Variants in PCDHA6 observed in about 807,000 individuals in gnomAD.
The protein encoded by PCDHA6 is protocadherin alpha-6.
PCDHA6 carries 55 observed loss-of-function variants against 60.3 expected under a neutral mutation model. The ratio of observed to expected loss-of-function variants is 0.91; its 90% CI spans 0.73 to 1.14. The LOEUF is 1.14. Ranked by LOEUF, PCDHA6 falls within the 50% of genes most tolerant of loss-of-function variation. PCDHA6 has a pLI of 0.00. For synonymous variants in PCDHA6, 652 were observed against 557.9 expected, an observed-to-expected ratio of 1.17 and a Z score of -2.38; for missense variants, 1,327 against 1,256.5, an observed-to-expected ratio of 1.06 and a Z score of -0.85.
In PCDHA6 at chr5:140,858,048, C is replaced by G. The variant is rs1203574330; in HGVS notation, c.2394+27563C>G. 9.4e-6 allele frequency: 15 copies of G among 1,597,302 alleles called. 2 individuals carry two copies. Among genetic ancestry groups the G allele is most frequent in the Non-Finnish European group, 1.2e-5 (14 of 1,167,436 alleles). On this transcript the variant is annotated intron_variant, in intron 1 of 3. Transcript: ENST00000529310. ...ACGGCCACGGCCACTGTGCTTGTGT[C>G]GCTTGTGGAGGGCAGCCAGGCACCC...
At chr5:140,905,611 T>C (rs1396340503) in intron 1 of PCDHA6, among the ~76,000 whole-genome samples, 1 of 152,224 alleles carries the variant, frequency 6.6e-6, no homozygotes, top group South Asian at 2.1e-4. Flanking sequence ...ATTGAATCTA[T>C]AGATTGCTTT....
intron 1 of PCDHA6, chr5:140,929,152 T>TA (rs1322546333): frequency 2.5e-6 from 4 of 1,614,072 alleles, no homozygotes; most frequent in Non-Finnish European, 3.4e-6. Flanking sequence ...TTCTCAGACT[T>TA]ATCTCTATCG....
intron 1 of PCDHA6, chr5:140,869,294 T>C: frequency 1.9e-6 from 3 of 1,613,634 alleles, no homozygotes; most frequent in Non-Finnish European, 1.7e-6. Flanking sequence ...CAGCGCCTGT[T>C]CCGGGTGGCG....
At chr5:140,969,347 G>C (rs1554231707) in intron 1 of PCDHA6, 1 of 1,613,472 alleles carries the variant, frequency 6.2e-7, no homozygotes, top group South Asian at 1.1e-5. Context: ...ACAGTGGTCA[G>C]GGGGTCTTCT....
chr5:140,922,337 T>C lies in PCDHA6; in HGVS notation c.2395-56612T>C, dbSNP rs150639608. On this transcript the variant is annotated intron_variant, in intron 1 of 3. Transcript: ENST00000529310. ...GAAGATCTTGGAAAGGGTTGGTATA[T>C]TGGTATTTTCTAGAGTAGTGATTCT... Among the ~76,000 whole-genome samples the C allele has an allele frequency of 3.4e-3, 512 of 152,346 alleles. 3 individuals carry two copies. The highest frequency in any genetic ancestry group is 0.012 in the African/African-American group (489 of 41,580).
At position 140,828,011 on chromosome 5, in the gene PCDHA6, G is replaced by A; in HGVS notation, c.-81G>A. 6.6e-7 allele frequency: 1 copy of A among 1,508,268 alleles called. No homozygotes were observed. The highest frequency in any genetic ancestry group is 2.2e-5 in the Admixed American group (1 of 44,678). The allele number at this position is 1,508,268 out of a possible 1,614,324, so 93.4% of individuals were successfully genotyped here. A position where few individuals can be genotyped will look rare whatever the true frequency, so the allele number is the denominator to read the frequency against. On this transcript the variant is annotated 5_prime_UTR_variant, in exon 1 of 4. Transcript: ENST00000529310. ...AATGATGGCGGACGCAGAAGAAATG[G>A]ATTAATAAATTCCGGAACATACAGT...
chr5:140,970,425 C>T (rs1554232453), intron 1 of PCDHA6, among the ~76,000 whole-genome samples: 1 of 151,722 alleles, frequency 6.6e-6, no homozygotes, highest in Non-Finnish European at 1.5e-5. Flanking sequence ...GGTGTAGAGG[C>T]AGGTGTTAGT....
chr5:140,952,338 C>CAAAAAAAA (rs55931446), intron 1 of PCDHA6, among the ~76,000 whole-genome samples: 1 of 135,028 alleles, frequency 7.4e-6, no homozygotes. Context: ...AACTCCATCT[C>CAAAAAAAA]AAAAAAAAAA....
chr5:140,848,458 G>A lies in PCDHA6; in HGVS notation c.2394+17973G>A, dbSNP rs2150410846. 52 of 1,529,436 alleles carry A rather than the reference G, an allele frequency of 3.4e-5. 3 individuals are homozygous for A. The South Asian group carries it at 5.9e-4, about 17-fold the overall frequency. The allele number at this position is 1,529,436 out of a possible 1,614,324, so 94.7% of individuals were successfully genotyped here. ...TCAGATGATTTCTTCTAATTTGGAG[G>A]CAATTTTCACTAATTAGAAGAAGAC... On this transcript the variant is annotated intron_variant, in intron 1 of 3. Transcript: ENST00000529310.
At position 140,828,187 on chromosome 5, in the gene PCDHA6, C is replaced by A. The variant is rs2150152114; in HGVS notation, c.96C>A (p.His32Gln). 6.2e-7 allele frequency: 1 copy of A among 1,614,148 alleles called. No homozygotes were observed. The highest frequency in any genetic ancestry group is 8.5e-7 in the Non-Finnish European group (1 of 1,180,048). Residue 32 changes from histidine (H) to glutamine (Q), a missense_variant, in exon 1 of 4, where the codon CAC becomes CAA. Physicochemically the swap from His to Gln is conservative, Grantham distance 24. Transcript: ENST00000529310. ...AAWKVGSGQL[H>Q]YSVPEEAKHG... Reference sequence around the variant, plus strand: ...GGAAGGTGGGGAGCGGCCAGCTCCACTACTCCGTACCCGAGGAGGCCAAAC... The same window carrying A: ...GGAAGGTGGGGAGCGGCCAGCTCCAATACTCCGTACCCGAGGAGGCCAAAC...
intron 1 of PCDHA6, among the ~76,000 whole-genome samples, chr5:140,956,087 C>T (rs2095255787): frequency 6.6e-6 from 1 of 152,178 alleles, no homozygotes; most frequent in Admixed American, 6.5e-5. Context: ...ATCATGTCAT[C>T]TGCAAACAAA....
intron 3 of PCDHA6, among the ~76,000 whole-genome samples, chr5:140,993,585 G>T (rs2097574142): frequency 6.6e-6 from 1 of 151,526 alleles, no homozygotes; most frequent in Admixed American, 6.6e-5. Flanking sequence ...GCTTTTCTTG[G>T]CTTGGCTCCA....
rs1554205708 is a variant in PCDHA6 at position 140,928,289 on chromosome 5, G to A, written c.2395-50660G>A. 3.1e-6 allele frequency: 5 copies of A among 1,614,170 alleles called. No individual in the cohort carries two copies. In the East Asian group the frequency reaches 6.7e-5, roughly 22 times the overall value. ...AATGGCCCTGGGGCCTCTCTAGGCC[G>A]AGTGTTTGCCCAGGACCCCGACCTG... is the stretch of plus-strand genomic sequence containing the variant. On this transcript the variant is annotated intron_variant, in intron 1 of 3. Coordinates refer to ENST00000529310, the MANE Select transcript of PCDHA6 (RefSeq NM_018909.4).
chr5:140,925,108 G>GGAAGGAAGGAAGGAAGGAAGGAA (rs1554202548), intron 1 of PCDHA6, among the ~76,000 whole-genome samples: 19 of 124,700 alleles, frequency 1.5e-4, no homozygotes, highest in Middle Eastern at 4.0e-3. Context: ...GAAGGAAGGA[G>GGAAGGAAGGAAGGAAGGAAGGAA]GGAAGGAAGG....
Position 140,910,416 on chromosome 5 carries a change from A to G in PCDHA6, c.2395-68533A>G, listed in dbSNP as rs191093101. Among the ~76,000 whole-genome samples, 67 of 152,280 alleles carry G rather than the reference A, an allele frequency of 4.4e-4. No individual in the cohort carries two copies. In the East Asian group the frequency reaches 0.013, roughly 28 times the overall value. ...CTGGCCCCTGCCACCTCGAGATCCAATTATTCCCATTGCATTTAAGTTTTG... is the reference window on the plus strand; with the variant it reads ...CTGGCCCCTGCCACCTCGAGATCCAGTTATTCCCATTGCATTTAAGTTTTG... On this transcript the variant is annotated intron_variant, in intron 1 of 3. Coordinates refer to ENST00000529310, the MANE Select transcript of PCDHA6 (RefSeq NM_018909.4).
intron 1 of PCDHA6, chr5:140,865,437 T>C (rs951308725): frequency 3.3e-5 from 5 of 152,200 alleles, no homozygotes; most frequent in Non-Finnish European, 7.3e-5. Context: ...GAAAAATAAC[T>C]TCTGAGAAGA....
At chr5:140,876,140 C>G in intron 1 of PCDHA6, 1 of 1,613,944 alleles carries the variant, frequency 6.2e-7, no homozygotes, top group Non-Finnish European at 8.5e-7. Context: ...CCAGAACTAA[C>G]AGGGTCTGTC....
chr5:140,926,745 C>T (rs1344644551), intron 1 of PCDHA6: 3 of 1,219,360 alleles, frequency 2.5e-6, no homozygotes, highest in Non-Finnish European at 3.2e-6. Flanking sequence ...GGCGCAACGT[C>T]GGCGGTCGCT....
At position 140,853,959 on chromosome 5, in the gene PCDHA6, G is replaced by A. The variant is rs2042923125; in HGVS notation, c.2394+23474G>A. 2.7e-6 allele frequency: 2 copies of A among 736,852 alleles called. 1 individual carries two copies. The highest frequency in any genetic ancestry group is 3.4e-6 in the Non-Finnish European group (2 of 589,618). The allele number at this position is 736,852 out of a possible 1,614,324, so 45.6% of individuals were successfully genotyped here. On this transcript the variant is annotated intron_variant, in intron 1 of 3. Transcript: ENST00000529310. ...CAAGGTGGGAGGGTCCCTTCCTTGA[G>A]CCCAGCAGTTTGAGACCAATGTAGT...
Sources: gnomAD v4.1 joint callset for allele counts (sites outside exome capture counted in the v4.1 genomes callset) on GRCh38, gnomAD v4.1.1 for gene constraint, MANE v1.5 for transcripts, NCBI Gene and HGNC (gene_info 2026-07-23, HGNC 2026-07-21) for gene names.